The following SELPLG variants were observed in gnomAD, a reference collection of about 807,000 sequenced individuals.
SELPLG encodes the protein selectin P ligand.
In SELPLG, 2 loss-of-function variants were observed where a neutral mutation model predicts 1.1. The ratio of observed to expected loss-of-function variants is 1.82; its 90% CI spans 0.74 to 5.71. SELPLG has a LOEUF of 5.71. SELPLG is among the 30% of genes most tolerant of loss of function. The pLI is 0.05. For missense variants in SELPLG, 478 were observed against 524.7 expected (o/e 0.91, Z 0.87); for synonymous variants, 230 against 221.2 (o/e 1.04, Z -0.35).
At chr12:108,628,631 G>T (rs1253455396) in intron 1 of SELPLG, 3 of 152,332 alleles carry the variant, frequency 2.0e-5, no homozygotes, top group African/African-American at 7.2e-5. Context: ...GCAAGGCCTG[G>T]TCTCCCTGGT....
chr12:108,629,359 A>G (rs951927875), intron 1 of SELPLG, among the ~76,000 whole-genome samples: 1 of 152,212 alleles, frequency 6.6e-6, no homozygotes, highest in African/African-American at 2.4e-5. Context: ...GCTTTAAGAC[A>G]CAGCAGCCTG....
At position 108,623,463 on chromosome 12, in the gene SELPLG, A is replaced by G. The variant is rs1177542179; in HGVS notation, c.845T>C (p.Leu282Pro). ...LSMEPTTKRG[L>P]FIPFSVSSVT... ...AGAGGACACAGAAAAGGGTATGAAC[A>G]GACCTCTTTTGGTAGTAGGTTCCAT... The change falls in exon 2 of 2, where the codon CTG becomes CCG. Residue 282 changes from leucine to proline, a missense_variant. Physicochemically the swap from Leu to Pro is moderately conservative, Grantham distance 98 (BLOSUM62 -3). Transcript: ENST00000550948. The G allele has an allele frequency of 5.0e-6, 8 of 1,614,140 alleles. No individual in the cohort carries two copies. The highest frequency in any genetic ancestry group is 5.9e-6 in the Non-Finnish European group (7 of 1,180,052).
intron 1 of SELPLG, among the ~76,000 whole-genome samples, chr12:108,626,546 G>T (rs1329004730): frequency 6.6e-6 from 1 of 152,152 alleles, no homozygotes; most frequent in Non-Finnish European, 1.5e-5. Flanking sequence ...GCCCAGTCTG[G>T]AGTGCAGTAG....
rs2031880029 is a variant in SELPLG at position 108,623,858 on chromosome 12, C to G, written c.450G>C (p.Glu150Asp). ...EAQTTPLAAT[E>D]AQTTRLTATE... ...TGGCCGTCAGTCGAGTTGTCTGTGC[C>G]TCTGTGGCTGCCAGTGGAGTGGTCT... The change falls in exon 2 of 2, where the codon GAG (glutamate) becomes GAC (aspartate). Residue 150 changes from glutamate to aspartate, a missense_variant. Transcript: ENST00000550948. 1 of 1,576,892 alleles carries G rather than the reference C, an allele frequency of 6.3e-7. No homozygotes were observed.
chr12:108,625,642 T>C (rs2031923976), intron 1 of SELPLG, among the ~76,000 whole-genome samples: 1 of 152,204 alleles, frequency 6.6e-6, no homozygotes, highest in Non-Finnish European at 1.5e-5. Flanking sequence ...CACTGTCTAT[T>C]CAGAGACTCT....
chr12:108,628,238 G>A (rs568158580), intron 1 of SELPLG, among the ~76,000 whole-genome samples: 15 of 151,540 alleles, frequency 9.9e-5, no homozygotes, highest in Non-Finnish European at 1.8e-4. Context: ...ACTCCAGCCT[G>A]GGCGACAGAG....
chr12:108,624,751 G>A lies in SELPLG; in HGVS notation c.-5-439C>T, dbSNP rs892118747. On this transcript the variant is annotated intron_variant, in intron 1 of 1. Transcript: ENST00000550948. ...GTCACCCAGGCTGGAGTACAGTGGC[G>A]CTATCTCAGCTCACTGCAACCTCCA... Among the ~76,000 whole-genome samples the A allele has an allele frequency of 6.8e-5, 10 of 146,784 alleles. No individual in the cohort carries two copies. The East Asian group carries it at 8.0e-4, about 12-fold the overall frequency.
chr12:108,623,169 G>C lies in SELPLG; in HGVS notation c.1139C>G (p.Ala380Gly), dbSNP rs895074259. Residue 380 changes from alanine (A) to glycine (G), a missense_variant, in exon 2 of 2, where the codon GCC becomes GGC. By Grantham distance (60) the Ala-to-Gly change is moderately conservative. Coordinates refer to ENST00000550948, the MANE Select transcript of SELPLG (RefSeq NM_003006.4). ...PDGGEGPSAT[A>G]NGGLSKAKSP... is the part of the protein sequence containing the mutation. ...CTTGGCCTTGGACAGGCCCCCATTG[G>C]CTGTGGCAGAGGGCCCCTCACCCCC... is the stretch of plus-strand genomic sequence containing the variant. The C allele has an allele frequency of 6.2e-7, 1 of 1,613,350 alleles. No homozygotes were observed. Among genetic ancestry groups the C allele is most frequent in the African/African-American group, 1.3e-5 (1 of 75,042 alleles).
rs538987784 is a variant in SELPLG, at chr12:108,622,803, A to T, written c.*266T>A. 1.1e-5 allele frequency: 5 copies of T among 442,354 alleles called. No individual in the cohort carries two copies. The highest frequency in any genetic ancestry group is 2.0e-5 in the African/African-American group (1 of 50,576). 27.4% of individuals were successfully genotyped at this position (442,354 alleles called of 1,614,324 possible). A position where few individuals can be genotyped will look rare whatever the true frequency, so the allele number is the denominator to read the frequency against. ...AGGAAAAAGGAGAGAATCTGTCTCA[A>T]GTAAATGGCCTCCTGCCTTGGACCT... On this transcript the variant is annotated 3_prime_UTR_variant, in exon 2 of 2. Coordinates refer to ENST00000550948, the MANE Select transcript of SELPLG (RefSeq NM_003006.4).
chr12:108,623,103 C>G lies in SELPLG; in HGVS notation c.1205G>C (p.Gly402Ala). 2 of 1,536,344 alleles carry G rather than the reference C, an allele frequency of 1.3e-6. No homozygotes were observed. Among genetic ancestry groups the G allele is most frequent in the Non-Finnish European group, 1.7e-6 (2 of 1,143,452 alleles). ...GAAGCTGTGCAGGGTGAGGTCATCC[C>G]CCTCACGGTCCTCCCTGGGCTCTGG... ...LTPEPREDRE[G>A]DDLTLHSFLP Residue 402 changes from glycine (G) to alanine (A), a missense_variant, in exon 2 of 2, where the codon GGG becomes GCG. Coordinates refer to ENST00000550948, the MANE Select transcript of SELPLG (RefSeq NM_003006.4).
chr12:108,628,125 T>A (rs1347327632), intron 1 of SELPLG, among the ~76,000 whole-genome samples: 1 of 151,900 alleles, frequency 6.6e-6, no homozygotes, highest in Non-Finnish European at 1.5e-5. Flanking sequence ...TAGCCAGGCA[T>A]GATGATGCAC....
Position 108,622,420 on chromosome 12 carries a change from T to A in SELPLG, c.*649A>T, listed in dbSNP as rs746001542. 3 of 152,470 alleles carry A rather than the reference T, an allele frequency of 2.0e-5. No homozygotes were observed. Among genetic ancestry groups the A allele is most frequent in the Non-Finnish European group, 4.4e-5 (3 of 68,254 alleles). 9.4% of individuals were successfully genotyped at this position (152,470 alleles called of 1,614,324 possible). On this transcript the variant is annotated 3_prime_UTR_variant, in exon 2 of 2. Coordinates refer to ENST00000550948, the MANE Select transcript of SELPLG (RefSeq NM_003006.4). The stretch of plus-strand genomic sequence containing the variant: ...TCACTTGTCACTAGATGGAAGCTCC[T>A]TGGTCCACACAGTCCCAAAGAAAGG...
chr12:108,622,023 G>C lies in SELPLG; in HGVS notation c.*1046C>G, dbSNP rs143141074. On this transcript the variant is annotated 3_prime_UTR_variant, in exon 2 of 2. Coordinates refer to ENST00000550948, the MANE Select transcript of SELPLG (RefSeq NM_003006.4). ...AAGTGGAATAAAGTGGTCACTGGTG[G>C]GGAAGGGGCAGCCCTCCCTTTGGCC... Among the ~76,000 whole-genome samples, 1 of 152,288 alleles carries C rather than the reference G, an allele frequency of 6.6e-6. No homozygotes were observed. Among genetic ancestry groups the C allele is most frequent in the Non-Finnish European group, 1.5e-5 (1 of 68,028 alleles).
intron 1 of SELPLG, among the ~76,000 whole-genome samples, chr12:108,625,468 A>G (rs551830913): frequency 2.6e-5 from 4 of 152,340 alleles, no homozygotes; most frequent in Admixed American, 2.0e-4. Flanking sequence ...ACCTCTCCGC[A>G]AAGACTGGCT....
chr12:108,623,102 C>T lies in SELPLG; in HGVS notation c.1206G>A (p.Gly402=), dbSNP rs763296665. 6.5e-7 allele frequency: 1 copy of T among 1,532,794 alleles called. No individual in the cohort carries two copies. 94.9% of individuals were successfully genotyped at this position (1,532,794 alleles called of 1,614,324 possible). A position where few individuals can be genotyped will look rare whatever the true frequency, so the allele number is the denominator to read the frequency against. The change falls in exon 2 of 2, where the codon GGG becomes GGA. Residue 402 remains glycine, a synonymous_variant. Coordinates refer to ENST00000550948, the MANE Select transcript of SELPLG (RefSeq NM_003006.4). ...LTPEPREDRE[G]DDLTLHSFLP ...GGAAGCTGTGCAGGGTGAGGTCATC[C>T]CCCTCACGGTCCTCCCTGGGCTCTG...
intron 1 of SELPLG, among the ~76,000 whole-genome samples, chr12:108,631,323 T>A (rs150089995): frequency 1.4e-4 from 21 of 152,164 alleles, no homozygotes; most frequent in Non-Finnish European, 1.5e-4. Context: ...ACTACAGTGG[T>A]GCAATCATAG....
At position 108,623,256 on chromosome 12, in the gene SELPLG, A is replaced by T. The variant is rs1001734652; in HGVS notation, c.1052T>A (p.Met351Lys). ...LAVRLSRKGH[M>K]YPVRNYSPTE... Reference sequence around the variant, plus strand: ...GGGGGAGTAATTACGCACGGGGTACATGTGGCCCTTGCGGGAGAGGCGGAC... The same window carrying T: ...GGGGGAGTAATTACGCACGGGGTACTTGTGGCCCTTGCGGGAGAGGCGGAC... The change falls in exon 2 of 2, where the codon ATG becomes AAG. Residue 351 changes from methionine to lysine, a missense_variant. Coordinates refer to ENST00000550948, the MANE Select transcript of SELPLG (RefSeq NM_003006.4). 3.1e-6 allele frequency: 5 copies of T among 1,614,080 alleles called. No individual in the cohort carries two copies.
In SELPLG at chr12:108,622,896, T is replaced by C. The variant is rs866343004; in HGVS notation, c.*173A>G. 724 of 590,474 alleles carry C rather than the reference T, an allele frequency of 1.2e-3. 7 individuals are homozygous for C. The highest frequency in any genetic ancestry group is 4.6e-3 in the Middle Eastern group (10 of 2,156). The allele number at this position is 590,474 out of a possible 1,614,324, so 36.6% of individuals were successfully genotyped here. ...AGGTGGCTCCACTTGCCCGTCTGCT[T>C]GGCCCCAGGCTGCTCTTGTCCTGTT... On this transcript the variant is annotated 3_prime_UTR_variant, in exon 2 of 2. Coordinates refer to ENST00000550948, the MANE Select transcript of SELPLG (RefSeq NM_003006.4).
chr12:108,624,713 G>A (rs375419613), intron 1 of SELPLG, among the ~76,000 whole-genome samples: 1 of 133,570 alleles, frequency 7.5e-6, no homozygotes, highest in South Asian at 2.3e-4. Context: ...TTTTTTAGAT[G>A]GAGTCTTGCT....
Sources: allele counts gnomAD v4.1 joint callset (sites outside exome capture counted in the v4.1 genomes callset), GRCh38; gene constraint gnomAD v4.1.1; transcripts MANE v1.5; gene names NCBI Gene and HGNC (gene_info 2026-07-23, HGNC 2026-07-21).